The following ARAP3 variants were observed in gnomAD, a reference collection of about 807,000 sequenced individuals.
ARAP3 encodes the protein ArfGAP with RhoGAP domain, ankyrin repeat and PH domain 3, also known as arf-GAP with Rho-GAP domain, ANK repeat and PH domain-containing protein 3.
In ARAP3, 82 loss-of-function variants were observed where a neutral mutation model predicts 169.2. The observed-to-expected ratio is 0.48, with a 90% CI of 0.41 to 0.58. ARAP3 has a LOEUF of 0.58. Among genes scored for constraint, ARAP3 ranks in the 20% least tolerant of loss-of-function variants. The probability of loss-of-function intolerance (pLI) is 0.00; values close to 1 mark genes in which losing one functional copy is unlikely to be tolerated. For synonymous variants in ARAP3, 791 were observed against 800.3 expected, an observed-to-expected ratio of 0.99 and a Z score of 0.20; for missense variants, 1,764 against 2,018.0, an observed-to-expected ratio of 0.87 and a Z score of 2.41.
At chr5:141,667,630 T>C (rs2099910847) in intron 16 of ARAP3, among the ~76,000 whole-genome samples, 1 of 147,454 alleles carries the variant, frequency 6.8e-6, no homozygotes, top group Admixed American at 6.8e-5. Context: ...GGTTTCACCA[T>C]GTTGCATGGC....
intron 16 of ARAP3, 21 bp downstream of exon 16, chr5:141,669,688 G>A: frequency 6.2e-7 from 1 of 1,609,180 alleles, no homozygotes; most frequent in Non-Finnish European, 8.5e-7. Flanking sequence ...AGATGCTGCA[G>A]AGGGCGCTCT....
chr5:141,671,149 A>C lies in ARAP3; in HGVS notation c.1990+116T>G. On this transcript the variant is annotated intron_variant, in intron 13 of 32. Transcript: ENST00000239440. This position sits in a 1 kb window ranked among gnomAD's most constrained non-coding sequence, Gnocchi z 4.9. The stretch of plus-strand genomic sequence containing the variant: ...GCCCTGGAGGATCTGAGGGTTTGGG[A>C]AACTGCCCAGGCTGGGCCATTGTGA... 7.2e-7 allele frequency: 1 copy of C among 1,395,010 alleles called. No individual in the cohort carries two copies. Among genetic ancestry groups the C allele is most frequent in the Non-Finnish European group, 9.8e-7 (1 of 1,023,964 alleles). 86.4% of individuals were successfully genotyped at this position (1,395,010 alleles called of 1,614,324 possible).
chr5:141,659,463 T>C lies in ARAP3; in HGVS notation c.3281A>G (p.Gln1094Arg), dbSNP rs1481460532. ...GACCTCCAAGTCAATCTGAGCTACCTGGTCAGAATCGATCTGTGAAAGAGC... is the reference window on the plus strand; with the variant it reads ...GACCTCCAAGTCAATCTGAGCTACCCGGTCAGAATCGATCTGTGAAAGAGC... ...YISVFDIDSD[Q>R]VAQIDLEVSL... Residue 1094 changes from glutamine to arginine, a missense_variant, in exon 23 of 33, where the codon CAG becomes CGG. Transcript: ENST00000239440. 1.2e-6 allele frequency: 2 copies of C among 1,614,188 alleles called. No homozygotes were observed. Among genetic ancestry groups the C allele is most frequent in the Non-Finnish European group, 1.7e-6 (2 of 1,180,004 alleles).
rs779155565 is a variant in ARAP3, at chr5:141,680,511, G to T, written c.-17-8C>A. On this transcript the variant is annotated splice_region_variant and splice_polypyrimidine_tract_variant and intron_variant, in intron 1 of 32. Transcript: ENST00000239440. ...TGGGGGCTCAGGCCATTGCTGGGGG[G>T]AGGGGCAGGGTGAAGGGAGGGCTCA... The T allele has an allele frequency of 1.3e-6, 2 of 1,564,874 alleles. No individual in the cohort carries two copies. Among genetic ancestry groups the T allele is most frequent in the African/African-American group, 1.3e-5 (1 of 74,380 alleles).
chr5:141,678,908 A>G (rs1045483575), intron 4 of ARAP3, among the ~76,000 whole-genome samples: 1 of 152,208 alleles, frequency 6.6e-6, no homozygotes, highest in African/African-American at 2.4e-5. Context: ...AAGGGCAGGG[A>G]TTTCTGTGTA....
chr5:141,655,505 G>A, intron 31 of ARAP3, 105 bp from the exon 32 acceptor site: 1 of 1,583,782 alleles, frequency 6.3e-7, no homozygotes. Context: ...GAAGGCAGAA[G>A]GGAGGGGGAC....
intron 4 of ARAP3, 129 bp from the exon 5 acceptor site, chr5:141,673,937 T>C (rs892706528): frequency 2.5e-6 from 2 of 792,504 alleles, no homozygotes; most frequent in Non-Finnish European, 3.8e-6. Flanking sequence ...CTGATTTTCT[T>C]TTCTTTTTCT....
At chr5:141,679,493 G>A (rs1003730271) in intron 4 of ARAP3, 52 bp downstream of exon 4, 77 of 1,553,462 alleles carry the variant, frequency 5.0e-5, no homozygotes, top group African/African-American at 4.1e-5. Context: ...ATACATGGCC[G>A]CCACCGACTC....
rs918016158 is a variant in ARAP3 at position 141,673,191 on chromosome 5, C to A, written c.973-58G>T. ...CAGGAACTGAGCCATGTGTGCCAGCCCCTGGGTCCTGCCCCAGATTTTATA... is the reference window on the plus strand; with the variant it reads ...CAGGAACTGAGCCATGTGTGCCAGCACCTGGGTCCTGCCCCAGATTTTATA... On this transcript the variant is annotated intron_variant, in intron 6 of 32. Coordinates refer to ENST00000239440, the MANE Select transcript of ARAP3 (RefSeq NM_022481.6). 7 of 1,609,254 alleles carry A rather than the reference C, an allele frequency of 4.3e-6. No individual in the cohort carries two copies. In the African/African-American group the frequency reaches 8.0e-5, roughly 18 times the overall value.
intron 4 of ARAP3, among the ~76,000 whole-genome samples, chr5:141,674,768 CTT>C (rs1186255960): frequency 3.9e-5 from 6 of 152,212 alleles, no homozygotes; most frequent in Admixed American, 3.9e-4. Context: ...TGTCTTGACT[CTT>C]TGTCCAAAAC....
At chr5:141,658,216 T>G in intron 25 of ARAP3, 149 bp downstream of exon 25, 1 of 750,416 alleles carries the variant, frequency 1.3e-6, no homozygotes, top group East Asian at 2.7e-5. Context: ...GAGTCAACTG[T>G]GTTGAATGTC....
intron 21 of ARAP3, among the ~76,000 whole-genome samples, chr5:141,661,015 A>G (rs989218027): frequency 1.3e-5 from 2 of 150,858 alleles, no homozygotes; most frequent in African/African-American, 4.9e-5. Context: ...ATAGTTAAGA[A>G]TTTTATGAAT....
intron 21 of ARAP3, among the ~76,000 whole-genome samples, chr5:141,661,166 C>T (rs1015640062): frequency 2.6e-5 from 4 of 151,058 alleles, no homozygotes; most frequent in South Asian, 2.1e-4. Flanking sequence ...TGTGCTCAAG[C>T]GATTCTCGTG....
In ARAP3 at chr5:141,654,384, G is replaced by C. The variant is rs758107250; in HGVS notation, c.4201C>G (p.Pro1401Ala). Residue 1401 changes from proline to alanine, a missense_variant, in exon 33 of 33, where the codon CCT (proline) becomes GCT (alanine). Physicochemically the swap from Pro to Ala is conservative, Grantham distance 27. Coordinates refer to ENST00000239440, the MANE Select transcript of ARAP3 (RefSeq NM_022481.6). ...TCATACACTGGCTCCTCGTACACAGGCTCCTCCAGCTCCTCTTGCTCCTCC... is the reference window on the plus strand; with the variant it reads ...TCATACACTGGCTCCTCGTACACAGCCTCCTCCAGCTCCTCTTGCTCCTCC... ...SVEEQEELEE[P>A]VYEEPVYEEV... is the part of the protein sequence containing the mutation. The C allele has an allele frequency of 4.3e-6, 7 of 1,610,732 alleles. No individual in the cohort carries two copies. Among genetic ancestry groups the C allele is most frequent in the Non-Finnish European group, 5.9e-6 (7 of 1,178,156 alleles).
chr5:141,662,857 A>C (rs1443165476), intron 19 of ARAP3, among the ~76,000 whole-genome samples: 1 of 152,230 alleles, frequency 6.6e-6, no homozygotes, highest in Non-Finnish European at 1.5e-5. Context: ...TACATGTGTT[A>C]GATTAGCTTG....
rs778577807 is a variant in ARAP3, at chr5:141,672,161, G to A, written c.1526C>T (p.Ser509Phe). ...GACAGCAGCCCAATCTGGGCGGGAG[G>A]ACCCACAGTCCGCACACTGCCGGTT... The part of the protein sequence containing the change: ...RANRQCADCG[S>F]SRPDWAAVNL... The change falls in exon 10 of 33, where the codon TCC becomes TTC. Residue 509 changes from serine to phenylalanine, a missense_variant. Ser to Phe is a radical substitution (Grantham distance 155, BLOSUM62 -2). Transcript: ENST00000239440. The surrounding 1 kb of genome is among the most constrained non-coding windows in gnomAD (Gnocchi z 4.9). The A allele has an allele frequency of 2.5e-6, 4 of 1,614,144 alleles. No individual in the cohort carries two copies. The highest frequency in any genetic ancestry group is 3.4e-6 in the Non-Finnish European group (4 of 1,180,020).
intron 16 of ARAP3, 26 bp from the exon 17 acceptor site, chr5:141,666,669 G>T (rs1188552496): frequency 8.0e-7 from 1 of 1,257,698 alleles, no homozygotes; most frequent in Non-Finnish European, 1.0e-6. Flanking sequence ...GAGGACAGGA[G>T]AAAGGGGGAT....
In ARAP3 at chr5:141,672,285, C is replaced by T. The variant is rs747928576; in HGVS notation, c.1402G>A (p.Gly468Arg). The T allele has an allele frequency of 6.2e-7, 1 of 1,614,158 alleles. No individual in the cohort carries two copies. Among genetic ancestry groups the T allele is most frequent in the Admixed American group, 1.7e-5 (1 of 60,020 alleles). ...HRCFSFTAES[G>R]GARQSWAAAL... ...GCCGCCCAGCTCTGCCGAGCACCCC[C>T]AGACTCGGCTGTGAAGCTGAGGGGT... The change falls in exon 10 of 33, where the codon GGG becomes AGG. Residue 468 changes from glycine (G) to arginine (R), a missense_variant. Gly to Arg is a moderately radical substitution (Grantham distance 125, BLOSUM62 -2). Around this residue, in one of 3 missense-constraint regions of ARAP3, gnomAD observed 630 missense variants for 678.7 expected, o/e 0.93. Transcript: ENST00000239440. The surrounding 1 kb of genome is among the most constrained non-coding windows in gnomAD (Gnocchi z 4.9).
chr5:141,681,786 C>T (rs2099913018), intron 1 of ARAP3, among the ~76,000 whole-genome samples: 1 of 152,180 alleles, frequency 6.6e-6, no homozygotes. Context: ...CTCTCCGTCC[C>T]AGCATCACTG....
Sources: gnomAD v4.1 joint callset for allele counts (sites outside exome capture counted in the v4.1 genomes callset) on GRCh38, gnomAD v4.1.1 for gene constraint, gnomAD v4.1.1 regional missense constraint, Gnocchi (gnomAD v3.1) non-coding constraint, MANE v1.5 for transcripts, NCBI Gene and HGNC (gene_info 2026-07-23, HGNC 2026-07-21) for gene names.